EEPD1: variants seen among roughly 807,000 people sequenced by gnomAD.
The protein encoded by EEPD1 is endonuclease/exonuclease/phosphatase family domain-containing protein 1.
EEPD1 carries 17 observed loss-of-function variants against 46.3 expected under a neutral mutation model. That is an observed-to-expected ratio of 0.37 (90% CI 0.25 to 0.55). The LOEUF is 0.55. Among genes scored for constraint, EEPD1 ranks in the 20% least tolerant of loss-of-function variants. EEPD1 has a pLI of 0.83. For synonymous variants in EEPD1, 313 were observed against 315.6 expected (o/e 0.99, Z 0.09); for missense variants, 673 against 745.6 (o/e 0.90, Z 1.13).
intron 2 of EEPD1, among the ~76,000 whole-genome samples, chr7:36,166,587 T>C (rs959951686): frequency 6.6e-6 from 1 of 152,072 alleles, no homozygotes; most frequent in Admixed American, 6.6e-5. Flanking sequence ...AAAACAGGCT[T>C]TCTTGTCATT....
At chr7:36,245,473 A>T (rs1786625512) in intron 3 of EEPD1, among the ~76,000 whole-genome samples, 1 of 152,156 alleles carries the variant, frequency 6.6e-6, no homozygotes, top group African/African-American at 2.4e-5. Context: ...GGCATAAATC[A>T]GTAGGGTTCT....
intron 2 of EEPD1, among the ~76,000 whole-genome samples, chr7:36,185,747 T>C (rs575498759): frequency 1.4e-3 from 208 of 152,356 alleles, no homozygotes; most frequent in African/African-American, 4.8e-3. Context: ...CTTCTCATGC[T>C]TCCTAAGCAG....
At chr7:36,219,798 A>AGTGTGTGTGT (rs1443373734) in intron 2 of EEPD1, among the ~76,000 whole-genome samples, 2 of 77,052 alleles carry the variant, frequency 2.6e-5, no homozygotes, top group South Asian at 5.4e-4. Flanking sequence ...AGAGAGAGAG[A>AGTGTGTGTGT]GAGAGAGAGT....
chr7:36,172,632 T>G (rs983825684), intron 2 of EEPD1, among the ~76,000 whole-genome samples: 9 of 150,956 alleles, frequency 6.0e-5, no homozygotes, highest in African/African-American at 2.2e-4. Context: ...TTTTTTTTTT[T>G]TTTTTTTTTA....
At chr7:36,221,041 T>C (rs1786136656) in intron 2 of EEPD1, among the ~76,000 whole-genome samples, 1 of 152,236 alleles carries the variant, frequency 6.6e-6, no homozygotes, top group South Asian at 2.1e-4. Context: ...ACTCCTCGCC[T>C]GAAATGATCA....
intron 6 of EEPD1, among the ~76,000 whole-genome samples, chr7:36,288,113 C>T (rs561463463): frequency 5.9e-5 from 9 of 152,282 alleles, no homozygotes; most frequent in Admixed American, 3.3e-4. Context: ...GGCATCACTC[C>T]GGTGGTGCCG....
chr7:36,292,467 T>C (rs528710216), intron 6 of EEPD1, among the ~76,000 whole-genome samples: 16 of 150,412 alleles, frequency 1.1e-4, no homozygotes, highest in Non-Finnish European at 1.8e-4. Context: ...CTCCTTGTCT[T>C]TCTCTCTCTC....
chr7:36,239,776 C>T (rs1786524583), intron 3 of EEPD1, among the ~76,000 whole-genome samples: 1 of 152,106 alleles, frequency 6.6e-6, no homozygotes, highest in Admixed American at 6.5e-5. Context: ...GGAAGCCAGG[C>T]CCCCCTACTT....
intron 5 of EEPD1, among the ~76,000 whole-genome samples, chr7:36,285,084 C>G (rs967431982): frequency 1.3e-5 from 2 of 152,160 alleles, no homozygotes; most frequent in African/African-American, 4.8e-5. Context: ...TTTGGTATAG[C>G]TCCTAAACCT....
At chr7:36,239,878 A>G (rs931949135) in intron 3 of EEPD1, among the ~76,000 whole-genome samples, 3 of 152,194 alleles carry the variant, frequency 2.0e-5, no homozygotes, top group Non-Finnish European at 4.4e-5. Context: ...TGATAATTAG[A>G]ATCTGTGTTG....
intron 4 of EEPD1, among the ~76,000 whole-genome samples, chr7:36,283,425 TGACTC>T (rs1444659925): frequency 2.0e-5 from 3 of 152,174 alleles, no homozygotes; most frequent in South Asian, 4.2e-4. Context: ...GGGCGGAAGA[TGACTC>T]GAGTGATGCT....
intron 2 of EEPD1, among the ~76,000 whole-genome samples, chr7:36,208,066 G>A (rs1785854276): frequency 6.6e-6 from 1 of 152,098 alleles, no homozygotes; most frequent in South Asian, 2.1e-4. Context: ...TCATCAGCGT[G>A]TTCCTCCTTT....
chr7:36,187,746 G>A (rs1003430872), intron 2 of EEPD1, among the ~76,000 whole-genome samples: 3 of 152,076 alleles, frequency 2.0e-5, no homozygotes, highest in African/African-American at 4.8e-5. Flanking sequence ...TGCAAGTCCC[G>A]TTTCTTTACT....
rs143735101 is a variant in EEPD1 at position 36,267,082 on chromosome 7, A to G, written c.931-14033A>G. Among the ~76,000 whole-genome samples, 638 of 152,274 alleles carry G rather than the reference A, an allele frequency of 4.2e-3. 2 individuals carry two copies. Among genetic ancestry groups the G allele is most frequent in the African/African-American group, 0.015 (610 of 41,558 alleles). On this transcript the variant is annotated intron_variant, in intron 3 of 7. Transcript: ENST00000242108. ...ATACCATTCTCACTTCTTTGGTGCC[A>G]AGCACATTATCTCCTAATTATCTCT... is the stretch of plus-strand genomic sequence containing the variant.
chr7:36,206,442 T>C (rs1785819259), intron 2 of EEPD1, among the ~76,000 whole-genome samples: 1 of 152,198 alleles, frequency 6.6e-6, no homozygotes, highest in South Asian at 2.1e-4. Context: ...TTTTGTGTAC[T>C]CTTCAACATC....
chr7:36,156,124 G>A (rs1362537276), intron 2 of EEPD1, among the ~76,000 whole-genome samples: 1 of 152,212 alleles, frequency 6.6e-6, no homozygotes, highest in East Asian at 1.9e-4. Flanking sequence ...CAGGGGTGCA[G>A]TGTTTGTGGC....
At chr7:36,172,823 T>C in intron 2 of EEPD1, among the ~76,000 whole-genome samples, 1 of 144,502 alleles carries the variant, frequency 6.9e-6, no homozygotes, top group Middle Eastern at 3.4e-3. Flanking sequence ...AAAAGGATCA[T>C]GGAAACCTCA....
At position 36,299,178 on chromosome 7, in the gene EEPD1, G is replaced by A; in HGVS notation, c.1682G>A (p.Ser561Asn). The change falls in exon 8 of 8, where the codon AGT (serine) becomes AAT (asparagine). Residue 561 changes from serine (S) to asparagine (N), a missense_variant. Ser to Asn is a conservative substitution (Grantham distance 46). Transcript: ENST00000242108. ...GGCAGCGGGGTGGCCTTGGAGCGAA[G>A]TGAAGCCAACATCAAGCACGAGCGA... ...RNGSGVALER[S>N]EANIKHER 2.5e-6 allele frequency: 4 copies of A among 1,614,210 alleles called. No homozygotes were observed. The African/African-American group carries it at 4.0e-5, about 16-fold the overall frequency.
chr7:36,240,982 A>G (rs1241816342), intron 3 of EEPD1, among the ~76,000 whole-genome samples: 1 of 152,214 alleles, frequency 6.6e-6, no homozygotes, highest in Non-Finnish European at 1.5e-5. Context: ...ATAGTGATGT[A>G]TATATGTCAG....
Sources: allele counts gnomAD v4.1 joint callset (sites outside exome capture counted in the v4.1 genomes callset), GRCh38; gene constraint gnomAD v4.1.1; transcripts MANE v1.5; gene names NCBI Gene and HGNC (gene_info 2026-07-23, HGNC 2026-07-21).